The following RHOT1 variants were observed in gnomAD, a reference collection of about 807,000 sequenced individuals.
RHOT1 encodes the protein ras homolog family member T1, also known as mitochondrial Rho GTPase 1.
Under a neutral mutation model 95.3 loss-of-function variants are expected in RHOT1, and 27 were observed. The observed-to-expected ratio is 0.28, with a 90% CI of 0.21 to 0.39. The LOEUF (loss-of-function observed/expected upper bound fraction) is 0.39. RHOT1 is among the 10% of genes least tolerant of loss of function. RHOT1 has a pLI of 1.00. For missense variants in RHOT1, 578 were observed against 786.7 expected, an observed-to-expected ratio of 0.73 and a Z score of 3.17; for synonymous variants, 227 against 263.5, an observed-to-expected ratio of 0.86 and a Z score of 1.34.
chr17:32,144,350 C>T (rs761668612), intron 1 of RHOT1, among the ~76,000 whole-genome samples: 1 of 152,000 alleles, frequency 6.6e-6, no homozygotes, highest in Non-Finnish European at 1.5e-5. Context: ...GAGTTCGAGA[C>T]GAGCCTGGCC....
intron 9 of RHOT1, among the ~76,000 whole-genome samples, chr17:32,192,900 C>T (rs935983553): frequency 2.6e-5 from 4 of 151,984 alleles, no homozygotes; most frequent in Admixed American, 2.0e-4. Context: ...TCGATCTCCT[C>T]GTGATCCGCC....
intron 1 of RHOT1, among the ~76,000 whole-genome samples, chr17:32,152,885 C>T (rs2032492086): frequency 6.6e-6 from 1 of 151,870 alleles, no homozygotes; most frequent in Non-Finnish European, 1.5e-5. Flanking sequence ...CTCACTGTAG[C>T]TTCGACTTCC....
chr17:32,165,477 C>T (rs1274061054), intron 1 of RHOT1, among the ~76,000 whole-genome samples: 4 of 150,572 alleles, frequency 2.7e-5, no homozygotes, highest in Admixed American at 1.3e-4. Flanking sequence ...GAACCAAGAT[C>T]GTGCCACTGC....
chr17:32,145,654 C>G lies in RHOT1; in HGVS notation c.37+2925C>G, dbSNP rs1287418128. On this transcript the variant is annotated intron_variant, in intron 1 of 19. Coordinates refer to ENST00000545287, the MANE Select transcript of RHOT1 (RefSeq NM_001033566.3). ...ATTTTTTTACCCTGAAGTATAGATT[C>G]AAGCTGTCCTGAATATATACAGATT... Among the ~76,000 whole-genome samples the G allele has an allele frequency of 2.6e-5, 4 of 152,086 alleles. No individual in the cohort carries two copies. The East Asian group carries it at 7.7e-4, about 29-fold the overall frequency.
At chr17:32,155,736 C>G (rs965504064) in intron 1 of RHOT1, among the ~76,000 whole-genome samples, 2 of 151,850 alleles carry the variant, frequency 1.3e-5, no homozygotes, top group African/African-American at 4.8e-5. Flanking sequence ...GACATAGGGT[C>G]TCACTTTGTT....
At position 32,192,186 on chromosome 17, in the gene RHOT1, C is replaced by A; in HGVS notation, c.541-15C>A. The A allele has an allele frequency of 8.4e-7, 1 of 1,188,228 alleles. No homozygotes were observed. Among genetic ancestry groups the A allele is most frequent in the Non-Finnish European group, 1.2e-6 (1 of 822,014 alleles). 73.6% of individuals were successfully genotyped at this position (1,188,228 alleles called of 1,614,324 possible). The stretch of plus-strand genomic sequence containing the variant: ...CACAGTTTAAACAATTATTTCTTTT[C>A]TCAATGATTTATAGATGAAACCAGC... On this transcript the variant is annotated splice_polypyrimidine_tract_variant and intron_variant, in intron 8 of 19. Transcript: ENST00000545287.
At chr17:32,188,630 T>C (rs1470121266) in intron 8 of RHOT1, among the ~76,000 whole-genome samples, 1 of 152,314 alleles carries the variant, frequency 6.6e-6, no homozygotes, top group East Asian at 1.9e-4. Flanking sequence ...AAGCAAAATG[T>C]TTTCCTTCCA....
intron 19 of RHOT1, among the ~76,000 whole-genome samples, chr17:32,221,365 T>A (rs1253035605): frequency 7.1e-6 from 1 of 141,782 alleles, no homozygotes; most frequent in East Asian, 2.1e-4. Flanking sequence ...AGATTTCGTC[T>A]GTCTCAAAAA....
chr17:32,206,768 A>G (rs1030152531), intron 16 of RHOT1, 142 bp from the exon 17 acceptor site: 26 of 653,684 alleles, frequency 4.0e-5, no homozygotes, highest in African/African-American at 3.3e-4. Context: ...TATACTTTCT[A>G]CTTTTAAAAC....
chr17:32,188,711 TC>T (rs1266811324), intron 8 of RHOT1, among the ~76,000 whole-genome samples: 1 of 152,244 alleles, frequency 6.6e-6, no homozygotes, highest in Non-Finnish European at 1.5e-5. Flanking sequence ...TTGAGTTTTG[TC>T]AAAAAAACTT....
intron 6 of RHOT1, among the ~76,000 whole-genome samples, chr17:32,176,801 C>T (rs948939571): frequency 1.3e-5 from 2 of 152,016 alleles, no homozygotes; most frequent in African/African-American, 4.8e-5. Flanking sequence ...GAACTCATGA[C>T]CTCAAATGAT....
At chr17:32,148,002 A>G (rs2031640146) in intron 1 of RHOT1, among the ~76,000 whole-genome samples, 1 of 152,066 alleles carries the variant, frequency 6.6e-6, no homozygotes, top group South Asian at 2.1e-4. Context: ...GCAGTGGCTC[A>G]CGCCTGTAAT....
chr17:32,150,820 G>A, intron 1 of RHOT1: 1 of 1,529,898 alleles, frequency 6.5e-7, no homozygotes, highest in Non-Finnish European at 8.9e-7. Flanking sequence ...CCAATTGGAA[G>A]GGTCTAAGAG....
chr17:32,149,218 C>T (rs2031845706), intron 1 of RHOT1, among the ~76,000 whole-genome samples: 1 of 151,676 alleles, frequency 6.6e-6, no homozygotes, highest in Non-Finnish European at 1.5e-5. Flanking sequence ...ACATTTTATA[C>T]ATTTTATTAT....
At chr17:32,178,088 G>A (rs1403939717) in intron 6 of RHOT1, among the ~76,000 whole-genome samples, 1 of 151,998 alleles carries the variant, frequency 6.6e-6, no homozygotes, top group Non-Finnish European at 1.5e-5. Flanking sequence ...GCTTCTCAAA[G>A]TGCTGGAATT....
At chr17:32,216,587 T>C (rs1028584057) in intron 19 of RHOT1, among the ~76,000 whole-genome samples, 1 of 152,164 alleles carries the variant, frequency 6.6e-6, no homozygotes, top group Non-Finnish European at 1.5e-5. Flanking sequence ...AATGTATTTT[T>C]AGATTAAATA....
chr17:32,216,826 T>G (rs1217096795), intron 19 of RHOT1, among the ~76,000 whole-genome samples: 1 of 152,192 alleles, frequency 6.6e-6, no homozygotes, highest in Admixed American at 6.5e-5. Context: ...GTTGGAAATC[T>G]AAGAGTCTTT....
At position 32,207,681 on chromosome 17, in the gene RHOT1, AT is replaced by A. The variant is rs200123480; in HGVS notation, c.1537-421del. On this transcript the variant is annotated intron_variant, in intron 17 of 19. Transcript: ENST00000545287. The stretch of plus-strand genomic sequence containing the variant: ...AAGAATATGGAGGACACAGTATTAC[AT>A]TTTTAAGTGGTTATGTCCAGCATGA... The A allele has an allele frequency of 6.1e-3, 971 of 160,296 alleles. 13 individuals carry two copies. The highest frequency in any genetic ancestry group is 0.021 in the African/African-American group (880 of 41,652). The allele number at this position is 160,296 out of a possible 1,614,324, so 9.9% of individuals were successfully genotyped here. A position where few individuals can be genotyped will look rare whatever the true frequency, so the allele number is the denominator to read the frequency against.
At chr17:32,159,132 G>A (rs1252196006) in intron 1 of RHOT1, among the ~76,000 whole-genome samples, 1 of 152,198 alleles carries the variant, frequency 6.6e-6, no homozygotes, top group East Asian at 1.9e-4. Context: ...TGAAGGCGCA[G>A]CTGGGACTCG....
Sources: gnomAD v4.1 joint callset for allele counts (sites outside exome capture counted in the v4.1 genomes callset) on GRCh38, gnomAD v4.1.1 for gene constraint, MANE v1.5 for transcripts, NCBI Gene and HGNC (gene_info 2026-07-23, HGNC 2026-07-21) for gene names.